The following SLC4A3 variants were observed in gnomAD, a reference collection of about 807,000 sequenced individuals.
SLC4A3 encodes the protein solute carrier family 4 member 3.
Under a neutral mutation model 114.2 loss-of-function variants are expected in SLC4A3, and 47 were observed. The ratio of observed to expected loss-of-function variants is 0.41; its 90% CI spans 0.33 to 0.52. The LOEUF (loss-of-function observed/expected upper bound fraction) is 0.52, where lower values mean the gene tolerates loss of function less well. Ranked by LOEUF, SLC4A3 falls within the 20% of genes least tolerant of loss-of-function variation. The pLI is 0.21. For missense variants in SLC4A3, 1,312 were observed against 1,668.3 expected, an observed-to-expected ratio of 0.79 and a Z score of 3.72; for synonymous variants, 693 against 710.3, an observed-to-expected ratio of 0.98 and a Z score of 0.39.
intron 5 of SLC4A3, among the ~76,000 whole-genome samples, chr2:219,629,901 A>G (rs1427225094): frequency 6.8e-6 from 1 of 147,598 alleles, no homozygotes; most frequent in Non-Finnish European, 1.5e-5. Flanking sequence ...GGAGAAAAAC[A>G]GAGAAGAGCA....
chr2:219,637,973 C>T lies in SLC4A3; in HGVS notation c.2766+162C>T, dbSNP rs1342989213. Among the ~76,000 whole-genome samples the T allele has an allele frequency of 6.6e-6, 1 of 152,172 alleles. No homozygotes were observed. Among genetic ancestry groups the T allele is most frequent in the Non-Finnish European group, 1.5e-5 (1 of 68,028 alleles). On this transcript the variant is annotated intron_variant, in intron 17 of 22. Coordinates refer to ENST00000358055, the MANE Select transcript of SLC4A3 (RefSeq NM_005070.4). The surrounding 1 kb of genome is among the most constrained non-coding windows in gnomAD (Gnocchi z 4.6). ...GCCTCTTCCCTGGGTGTCTTCTTGC[C>T]CTTTGCTCAGAGAAGTCTAATCAAG...
rs1250564912 is a variant in SLC4A3, at chr2:219,630,924, G to T, written c.811+572G>T. 1.3e-5 allele frequency among the ~76,000 whole-genome samples: 2 copies of T among 152,160 alleles called. No individual in the cohort carries two copies. Among genetic ancestry groups the T allele is most frequent in the Middle Eastern group, 3.2e-3 (1 of 316 alleles). ...CCCCTCCTCCGAGCCACAGTGTGTG[G>T]GTGGGGTGGGGGGAAGGGTAGGGCT... On this transcript the variant is annotated intron_variant, in intron 6 of 22. Transcript: ENST00000358055. This position sits in a 1 kb window ranked among gnomAD's most constrained non-coding sequence, Gnocchi z 6.9.
In SLC4A3 at chr2:219,630,041, G is replaced by C; in HGVS notation, c.612-112G>C. The C allele has an allele frequency of 1.3e-6, 2 of 1,526,364 alleles. No homozygotes were observed. Among genetic ancestry groups the C allele is most frequent in the Non-Finnish European group, 1.8e-6 (2 of 1,136,000 alleles). 94.6% of individuals were successfully genotyped at this position (1,526,364 alleles called of 1,614,324 possible). A position where few individuals can be genotyped will look rare whatever the true frequency, so the allele number is the denominator to read the frequency against. On this transcript the variant is annotated intron_variant, in intron 5 of 22. Transcript: ENST00000358055. The surrounding 1 kb of genome is among the most constrained non-coding windows in gnomAD (Gnocchi z 6.9). The stretch of plus-strand genomic sequence containing the variant: ...CAGCATCCTTTGCTGCCCAGGAGGG[G>C]CCTGGGTCTCATGCTCAGGGTCTAC...
chr2:219,635,401 C>T lies in SLC4A3; in HGVS notation c.1877C>T (p.Ala626Val). 1 of 1,614,176 alleles carries T rather than the reference C, an allele frequency of 6.2e-7. No individual in the cohort carries two copies. The highest frequency in any genetic ancestry group is 1.1e-5 in the South Asian group (1 of 91,084). ...VEGRDLLRSVAAFQRELLRKR... is the reference protein window; with the variant it reads ...VEGRDLLRSVVAFQRELLRKR... ...GGCCGTGACCTGCTGCGCTCCGTGG[C>T]TGCTTTCCAGCGAGAGCTGCTTAGG... The change falls in exon 13 of 23, where the codon GCT becomes GTT. Residue 626 changes from alanine to valine, a missense_variant. Ala to Val is a moderately conservative substitution (Grantham distance 64). Around this residue, in one of 4 missense-constraint regions of SLC4A3, gnomAD observed 771 missense variants for 977.7 expected, o/e 0.79. Transcript: ENST00000358055.
chr2:219,634,461 C>G lies in SLC4A3; in HGVS notation c.1603C>G (p.Arg535Gly). ...FLEQPAAAFV[R>G]LNEAVLLESV... is the part of the protein sequence containing the mutation. ...GGAGCAGCCTGCAGCAGCCTTCGTG[C>G]GTCTGAATGAGGCTGTACTCCTGGA... Residue 535 changes from arginine (R) to glycine (G), a missense_variant, in exon 12 of 23, where the codon CGT becomes GGT. Around this residue, in one of 4 missense-constraint regions of SLC4A3, gnomAD observed 771 missense variants for 977.7 expected, o/e 0.79. Coordinates refer to ENST00000358055, the MANE Select transcript of SLC4A3 (RefSeq NM_005070.4). 3.1e-6 allele frequency: 5 copies of G among 1,614,156 alleles called. No homozygotes were observed. The highest frequency in any genetic ancestry group is 4.2e-6 in the Non-Finnish European group (5 of 1,180,028).
At position 219,628,995 on chromosome 2, in the gene SLC4A3, C is replaced by G. The variant is rs931062338; in HGVS notation, c.218-149C>G. On this transcript the variant is annotated intron_variant, in intron 3 of 22. Transcript: ENST00000358055. This position sits in a 1 kb window ranked among gnomAD's most constrained non-coding sequence, Gnocchi z 4.8. ...CACCAGACCTCATCAATGACAGGCA[C>G]GTGGACACAGGTGTTGGGGGGTCAT... 3.2e-6 allele frequency: 3 copies of G among 929,532 alleles called. No individual in the cohort carries two copies. The African/African-American group carries it at 5.0e-5, about 15-fold the overall frequency. The allele number at this position is 929,532 out of a possible 1,614,324, so 57.6% of individuals were successfully genotyped here.
rs1430353328 is a variant in SLC4A3, at chr2:219,636,954, G to T, written c.2535+80G>T. 6.4e-6 allele frequency: 8 copies of T among 1,244,562 alleles called. No homozygotes were observed. The highest frequency in any genetic ancestry group is 1.5e-5 in the African/African-American group (1 of 67,378). 77.1% of individuals were successfully genotyped at this position (1,244,562 alleles called of 1,614,324 possible). A position where few individuals can be genotyped will look rare whatever the true frequency, so the allele number is the denominator to read the frequency against. ...GGGGAGGACAGCATGGGAGGGGGAG[G>T]TATGGAGAACTAGGGGACAAGGAGA... On this transcript the variant is annotated intron_variant, in intron 16 of 22. Coordinates refer to ENST00000358055, the MANE Select transcript of SLC4A3 (RefSeq NM_005070.4). This position sits in a 1 kb window ranked among gnomAD's most constrained non-coding sequence, Gnocchi z 5.5.
Position 219,641,811 on chromosome 2 carries a change from G to T in SLC4A3, c.*83G>T. 1 of 1,183,266 alleles carries T rather than the reference G, an allele frequency of 8.5e-7. No individual in the cohort carries two copies. The highest frequency in any genetic ancestry group is 1.3e-6 in the Non-Finnish European group (1 of 797,406). The allele number at this position is 1,183,266 out of a possible 1,614,324, so 73.3% of individuals were successfully genotyped here. ...TCAGGCAGAGCCCAGCCCTGGGCTG[G>T]GGGGCTCCTCAGGACCCAGAGATGT... On this transcript the variant is annotated 3_prime_UTR_variant, in exon 23 of 23. Coordinates refer to ENST00000358055, the MANE Select transcript of SLC4A3 (RefSeq NM_005070.4). This position sits in a 1 kb window ranked among gnomAD's most constrained non-coding sequence, Gnocchi z 4.0.
chr2:219,632,464 C>A, intron 8 of SLC4A3, 22 bp downstream of exon 8: 1 of 1,565,906 alleles, frequency 6.4e-7, no homozygotes. Context: ...CAGGCCTGGC[C>A]CGAGGCTGCA....
At chr2:219,629,537 G>A in intron 4 of SLC4A3, 43 bp from the exon 5 acceptor site, 1 of 1,585,810 alleles carries the variant, frequency 6.3e-7, no homozygotes, top group Non-Finnish European at 8.7e-7. Flanking sequence ...GGGGCTGTAT[G>A]GTAGGTCGGG....
chr2:219,629,560 G>C lies in SLC4A3; in HGVS notation c.496-20G>C. The C allele has an allele frequency of 6.2e-7, 1 of 1,600,540 alleles. No individual in the cohort carries two copies. The highest frequency in any genetic ancestry group is 2.2e-5 in the East Asian group (1 of 44,776). ...ATGGTAGGTCGGGGCAAGGCCCCAG[G>C]GCACATTCTATGTCTGCAGTTCTCC... is the stretch of plus-strand genomic sequence containing the variant. On this transcript the variant is annotated intron_variant, in intron 4 of 22. Coordinates refer to ENST00000358055, the MANE Select transcript of SLC4A3 (RefSeq NM_005070.4).
intron 1 of SLC4A3, 37 bp from the exon 2 acceptor site, chr2:219,627,863 C>T (rs1217808152): frequency 7.1e-6 from 5 of 706,900 alleles, no homozygotes; most frequent in Middle Eastern, 4.1e-4. Flanking sequence ...GTGGGGGGCG[C>T]CAGCGCAAGG....
chr2:219,637,834 G>A lies in SLC4A3; in HGVS notation c.2766+23G>A. ...AAGGTGCGTGGCTGCTGGGTGTGGA[G>A]CCCCCAAGAGTCCCACAATTCCTGC... On this transcript the variant is annotated intron_variant, in intron 17 of 22. Coordinates refer to ENST00000358055, the MANE Select transcript of SLC4A3 (RefSeq NM_005070.4). This position sits in a 1 kb window ranked among gnomAD's most constrained non-coding sequence, Gnocchi z 4.6. 6.4e-7 allele frequency: 1 copy of A among 1,553,990 alleles called. No homozygotes were observed. The highest frequency in any genetic ancestry group is 8.9e-7 in the Non-Finnish European group (1 of 1,125,504).
At chr2:219,634,088 A>C (rs1461992815) in intron 11 of SLC4A3, 109 bp downstream of exon 11, 3 of 1,305,602 alleles carry the variant, frequency 2.3e-6, no homozygotes, top group Non-Finnish European at 1.0e-6. Context: ...ATCTCCCTCC[A>C]GGCTCCCACC....
At position 219,627,936 on chromosome 2, in the gene SLC4A3, T is replaced by C; in HGVS notation, c.-57T>C. The C allele has an allele frequency of 1.3e-6, 2 of 1,501,522 alleles. No individual in the cohort carries two copies. The highest frequency in any genetic ancestry group is 1.8e-6 in the Non-Finnish European group (2 of 1,092,806). 93.0% of individuals were successfully genotyped at this position (1,501,522 alleles called of 1,614,324 possible). On this transcript the variant is annotated 5_prime_UTR_variant, in exon 2 of 23. Coordinates refer to ENST00000358055, the MANE Select transcript of SLC4A3 (RefSeq NM_005070.4). The stretch of plus-strand genomic sequence containing the variant: ...AGGCCCCCTCAGTGGCCCCTCCTTC[T>C]CACCTGGGTCTCGGGTCCCCTAGTG...
chr2:219,629,895 A>T (rs1480402962), intron 5 of SLC4A3, among the ~76,000 whole-genome samples, 200 bp downstream of exon 5: 2 of 149,024 alleles, frequency 1.3e-5, no homozygotes, highest in Non-Finnish European at 3.0e-5. Context: ...GGGGGGGGAG[A>T]AAAACAGAGA....
At position 219,631,178 on chromosome 2, in the gene SLC4A3, C is replaced by A. The variant is rs1698905646; in HGVS notation, c.812-790C>A. On this transcript the variant is annotated intron_variant, in intron 6 of 22. Coordinates refer to ENST00000358055, the MANE Select transcript of SLC4A3 (RefSeq NM_005070.4). This position sits in a 1 kb window ranked among gnomAD's most constrained non-coding sequence, Gnocchi z 6.3. ...GAAGCCACCCCGTCCAGGCTCCCAC[C>A]TTGTAGGAGAGCCGAGGGGTCTGGT... The A allele has an allele frequency of 1.3e-5, 16 of 1,192,680 alleles. No homozygotes were observed. Among genetic ancestry groups the A allele is most frequent in the Non-Finnish European group, 1.7e-5 (16 of 934,122 alleles). The allele number at this position is 1,192,680 out of a possible 1,614,324, so 73.9% of individuals were successfully genotyped here. A position where few individuals can be genotyped will look rare whatever the true frequency, so the allele number is the denominator to read the frequency against.
Position 219,638,160 on chromosome 2 carries a change from C to A in SLC4A3, c.2767-4C>A, listed in dbSNP as rs1185181397. 2.5e-6 allele frequency: 4 copies of A among 1,609,154 alleles called. No individual in the cohort carries two copies. The African/African-American group carries it at 5.3e-5, about 22-fold the overall frequency. The stretch of plus-strand genomic sequence containing the variant: ...GCTCCCTTCCCCAACTGGCCCCTCT[C>A]AAGGCTCGTCGCATCATCGGGGACT... On this transcript the variant is annotated splice_region_variant and splice_polypyrimidine_tract_variant and intron_variant, in intron 17 of 22. Coordinates refer to ENST00000358055, the MANE Select transcript of SLC4A3 (RefSeq NM_005070.4). The surrounding 1 kb of genome is among the most constrained non-coding windows in gnomAD (Gnocchi z 7.5).
chr2:219,641,504 A>T lies in SLC4A3; in HGVS notation c.3622-147A>T. On this transcript the variant is annotated intron_variant, in intron 22 of 22. Transcript: ENST00000358055. This position sits in a 1 kb window ranked among gnomAD's most constrained non-coding sequence, Gnocchi z 4.0. ...TGACCTGAAGGCTTTGGCCAAGGGC[A>T]GTGCTGCCACCCAGGGTCATGGTAC... 1 of 665,748 alleles carries T rather than the reference A, an allele frequency of 1.5e-6. No homozygotes were observed. The highest frequency in any genetic ancestry group is 2.7e-6 in the Non-Finnish European group (1 of 368,172). 41.2% of individuals were successfully genotyped at this position (665,748 alleles called of 1,614,324 possible).
Sources: gnomAD v4.1 joint callset for allele counts (sites outside exome capture counted in the v4.1 genomes callset) on GRCh38, gnomAD v4.1.1 for gene constraint, gnomAD v4.1.1 regional missense constraint, Gnocchi (gnomAD v3.1) non-coding constraint, MANE v1.5 for transcripts, NCBI Gene and HGNC (gene_info 2026-07-23, HGNC 2026-07-21) for gene names.